The following ITIH4 variants were observed in gnomAD, a reference collection of about 807,000 sequenced individuals.
ITIH4 encodes the protein inter-alpha-trypsin inhibitor heavy chain H4.
A neutral mutation model predicts 111.8 loss-of-function variants in ITIH4; 79 were observed. The observed-to-expected ratio is 0.71, with a 90% CI of 0.59 to 0.85. ITIH4 has a LOEUF of 0.85. ITIH4 is among the 40% of genes least tolerant of loss of function. The probability of loss-of-function intolerance (pLI) is 0.00; values close to 1 mark genes in which losing one functional copy is unlikely to be tolerated. For synonymous variants in ITIH4, 472 were observed against 468.3 expected, an observed-to-expected ratio of 1.01 and a Z score of -0.10; for missense variants, 1,065 against 1,195.8, an observed-to-expected ratio of 0.89 and a Z score of 1.61.
intron 21 of ITIH4, among the ~76,000 whole-genome samples, chr3:52,815,894 C>T (rs892966100): frequency 6.6e-6 from 1 of 152,068 alleles, no homozygotes; most frequent in Non-Finnish European, 1.5e-5. Flanking sequence ...CTATGTTGGC[C>T]AGGCTAGTCT....
In ITIH4 at chr3:52,824,457, C is replaced by G; in HGVS notation, c.985G>C (p.Ala329Pro). 3 of 1,614,210 alleles carry G rather than the reference C, an allele frequency of 1.9e-6. No individual in the cohort carries two copies. The highest frequency in any genetic ancestry group is 2.5e-6 in the Non-Finnish European group (3 of 1,180,042). ...ATQWRPSLVPASAENVNKARS... is the reference protein window; with the variant it reads ...ATQWRPSLVPPSAENVNKARS... ...GCCTTGTTCACGTTCTCGGCTGAGG[C>G]TGGCACCAGTGATGGCCTCCACTGA... is the stretch of plus-strand genomic sequence containing the variant. The change falls in exon 8 of 24, where the codon GCC becomes CCC. Residue 329 changes from alanine to proline, a missense_variant. By Grantham distance (27) the Ala-to-Pro change is conservative. Transcript: ENST00000266041. This position sits in a 1 kb window ranked among gnomAD's most constrained non-coding sequence, Gnocchi z 4.3.
rs140481689 is a variant in ITIH4 at position 52,824,622 on chromosome 3, C to T, written c.877-57G>A. On this transcript the variant is annotated intron_variant, in intron 7 of 23. Transcript: ENST00000266041. This position sits in a 1 kb window ranked among gnomAD's most constrained non-coding sequence, Gnocchi z 4.3. ...GAAGGGCTCCCTGAGGGCTCGTGTG[C>T]CCTAGGGCTGGCATCCTTGGACTCC... is the stretch of plus-strand genomic sequence containing the variant. 2.4e-4 allele frequency: 371 copies of T among 1,547,384 alleles called. 1 individual carries two copies. The African/African-American group carries it at 4.5e-3, about 19-fold the overall frequency.
intron 6 of ITIH4, 30 bp downstream of exon 6, chr3:52,825,856 C>A (rs761881351): frequency 5.6e-6 from 9 of 1,606,598 alleles, no homozygotes; most frequent in Admixed American, 3.4e-5. Context: ...GACTTCTAGG[C>A]TGCTCTGCTC....
intron 1 of ITIH4, chr3:52,829,988 C>A: frequency 3.9e-6 from 1 of 255,098 alleles, no homozygotes; most frequent in Non-Finnish European, 7.6e-6. Flanking sequence ...GTGTGACATG[C>A]TCATGCGCAC....
chr3:52,814,448 T>A, intron 21 of ITIH4, 85 bp from the exon 22 acceptor site: 1 of 1,219,664 alleles, frequency 8.2e-7, no homozygotes, highest in East Asian at 2.4e-5. Context: ...TGGGCTGGGC[T>A]TCCCCTCTTG....
intron 21 of ITIH4, among the ~76,000 whole-genome samples, 182 bp from the exon 22 acceptor site, chr3:52,814,545 T>A (rs576923996): frequency 6.6e-6 from 1 of 152,284 alleles, no homozygotes; most frequent in African/African-American, 2.4e-5. Flanking sequence ...GGACCAAAGT[T>A]AACTTAATGA....
At chr3:52,814,574 CT>C (rs199505925) in intron 21 of ITIH4, among the ~76,000 whole-genome samples, 1 of 152,020 alleles carries the variant, frequency 6.6e-6, no homozygotes, top group Non-Finnish European at 1.5e-5. Context: ...TTCCCCATCA[CT>C]TTTTTTTCTT....
intron 1 of ITIH4, 27 bp downstream of exon 1, chr3:52,830,526 C>T (rs758947828): frequency 1.2e-6 from 2 of 1,602,802 alleles, no homozygotes; most frequent in Non-Finnish European, 8.5e-7. Flanking sequence ...TCCCCCAGCT[C>T]ACGCCACACC....
Position 52,813,276 on chromosome 3 carries a change from A to T in ITIH4, c.*145T>A. On this transcript the variant is annotated 3_prime_UTR_variant, in exon 24 of 24. Transcript: ENST00000266041. ...GATTTGGCCACATGGAACTGGAGAC[A>T]CCCACTTCCCAGGCTCACACCACCT... 1.3e-6 allele frequency: 1 copy of T among 741,022 alleles called. No homozygotes were observed. Among genetic ancestry groups the T allele is most frequent in the Non-Finnish European group, 2.4e-6 (1 of 422,828 alleles). 45.9% of individuals were successfully genotyped at this position (741,022 alleles called of 1,614,324 possible).
In ITIH4 at chr3:52,813,386, A is replaced by G; in HGVS notation, c.*35T>C. On this transcript the variant is annotated 3_prime_UTR_variant, in exon 24 of 24. Coordinates refer to ENST00000266041, the MANE Select transcript of ITIH4 (RefSeq NM_002218.5). ...GCCCTGCAGTTGCAGGGGGAAGCCAAGTGTACAGGGTGGGCACAGCTCCTT... is the reference window on the plus strand; with the variant it reads ...GCCCTGCAGTTGCAGGGGGAAGCCAGGTGTACAGGGTGGGCACAGCTCCTT... 2 of 1,601,804 alleles carry G rather than the reference A, an allele frequency of 1.2e-6. No individual in the cohort carries two copies. Among genetic ancestry groups the G allele is most frequent in the Non-Finnish European group, 1.7e-6 (2 of 1,168,872 alleles).
At chr3:52,813,954 G>A (rs369399193) in intron 23 of ITIH4, 21 bp downstream of exon 23, 21 of 1,597,862 alleles carry the variant, frequency 1.3e-5, no homozygotes, top group East Asian at 6.8e-5. Flanking sequence ...TGGGCTCAGC[G>A]GTCTGCTTGT....
chr3:52,816,732 G>A (rs1374619395), intron 21 of ITIH4, 152 bp downstream of exon 21: 2 of 739,796 alleles, frequency 2.7e-6, no homozygotes, highest in African/African-American at 3.5e-5. Flanking sequence ...GAGCTGCAGG[G>A]GTATATGGCA....
chr3:52,819,718 T>A (rs201127056), intron 16 of ITIH4, 36 bp downstream of exon 16: 1 of 1,606,466 alleles, frequency 6.2e-7, no homozygotes, highest in African/African-American at 1.3e-5. Flanking sequence ...CCCCCAGGGA[T>A]GTCATGCCTC....
chr3:52,821,278 A>T, intron 11 of ITIH4, 148 bp from the exon 12 acceptor site: 31 of 742,370 alleles, frequency 4.2e-5, no homozygotes, highest in East Asian at 6.0e-5. Flanking sequence ...GGGGGTAAGG[A>T]GGGGGCTTAG....
Position 52,825,894 on chromosome 3 carries a change from A to T in ITIH4, c.751T>A (p.Ser251Thr), listed in dbSNP as rs760156020. ...YDVDRAISGG[S>T]IQIENGYFVH... ...GCCTGAAGTCCACCCACCTGAATGGAGCCCCCGGAGATGGCCCGGTCCACA... is the reference window on the plus strand; with the variant it reads ...GCCTGAAGTCCACCCACCTGAATGGTGCCCCCGGAGATGGCCCGGTCCACA... The change falls in exon 6 of 24, where the codon TCC becomes ACC. Residue 251 changes from serine (S) to threonine (T), a missense_variant. Physicochemically the swap from Ser to Thr is moderately conservative, Grantham distance 58. Transcript: ENST00000266041. 1 of 1,613,530 alleles carries T rather than the reference A, an allele frequency of 6.2e-7. No individual in the cohort carries two copies. Among genetic ancestry groups the T allele is most frequent in the East Asian group, 2.2e-5 (1 of 44,862 alleles).
At chr3:52,819,731 C>G (rs2276815) in intron 16 of ITIH4, 23 bp downstream of exon 16, 427,403 of 1,611,622 alleles carry the variant, frequency 0.27, 59,702 homozygotes, top group Admixed American at 0.46. Flanking sequence ...CATGCCTCCC[C>G]CTGGCAGAAA....
At position 52,814,212 on chromosome 3, in the gene ITIH4, G is replaced by T; in HGVS notation, c.2623C>A (p.Leu875Ile). The T allele has an allele frequency of 2.5e-6, 4 of 1,613,112 alleles. No individual in the cohort carries two copies. Among genetic ancestry groups the T allele is most frequent in the African/African-American group, 1.3e-5 (1 of 75,054 alleles). The change falls in exon 22 of 24, where the codon CTT becomes ATT. Residue 875 changes from leucine to isoleucine, a missense_variant. By Grantham distance (5) the Leu-to-Ile change is conservative. Coordinates refer to ENST00000266041, the MANE Select transcript of ITIH4 (RefSeq NM_002218.5). ...DRFSSHVGGT[L>I]GQFYQEVLWG... ...GCCCCGGTAATGGGCTCAGTACCAAGGGTCCCTCCAACGTGGCTGGAGAAG... is the reference window on the plus strand; with the variant it reads ...GCCCCGGTAATGGGCTCAGTACCAATGGTCCCTCCAACGTGGCTGGAGAAG...
chr3:52,829,082 G>A (rs774474185), intron 2 of ITIH4, 37 bp downstream of exon 2: 1 of 1,561,992 alleles, frequency 6.4e-7, no homozygotes, highest in South Asian at 1.2e-5. Flanking sequence ...TAGCACTGGG[G>A]GGTGTGGAGA....
chr3:52,820,026 C>G, intron 14 of ITIH4, 36 bp from the exon 15 acceptor site: 1 of 1,604,956 alleles, frequency 6.2e-7, no homozygotes, highest in Admixed American at 1.7e-5. Flanking sequence ...GCATCTTGCA[C>G]CCACCTTCCT....
Sources: gnomAD v4.1 joint callset for allele counts (sites outside exome capture counted in the v4.1 genomes callset) on GRCh38, gnomAD v4.1.1 for gene constraint, Gnocchi (gnomAD v3.1) non-coding constraint, MANE v1.5 for transcripts, NCBI Gene and HGNC (gene_info 2026-07-23, HGNC 2026-07-21) for gene names.